Variants in TENM1 observed in about 807,000 individuals in gnomAD.
The protein encoded by TENM1 is teneurin-1.
TENM1 carries 35 observed loss-of-function variants against 174.8 expected under a neutral mutation model. The ratio of observed to expected loss-of-function variants is 0.20; its 90% CI spans 0.15 to 0.27. The LOEUF is 0.27. TENM1 is among the 10% of genes least tolerant of loss of function. TENM1 has a pLI of 1.00. For missense variants in TENM1, 1,633 were observed against 2,130.1 expected (o/e 0.77, Z 4.59); for synonymous variants, 781 against 798.7 (o/e 0.98, Z 0.37).
At chrX:124,900,394 G>A (rs1452899948) in intron 1 of TENM1, among the ~76,000 whole-genome samples, 1 of 111,884 alleles carries the variant, frequency 8.9e-6, no homozygotes. Context: ...AAAGGGTGGA[G>A]GGAGAGATGG....
At chrX:125,074,819 T>C in the TENM1 span, among the ~76,000 whole-genome samples, 1 of 111,245 alleles carries the variant, frequency 9.0e-6, no homozygotes, top group East Asian at 2.9e-4. Flanking sequence ...CTTCTTCACT[T>C]TCCCACTTCC....
At chrX:124,898,691 A>G (rs2057605065) in intron 1 of TENM1, among the ~76,000 whole-genome samples, 1 of 111,957 alleles carries the variant, frequency 8.9e-6, no homozygotes, top group Non-Finnish European at 1.9e-5. Context: ...AAAAGCACTG[A>G]CAGATGTAAG....
intron 3 of TENM1, among the ~76,000 whole-genome samples, chrX:124,883,948 A>C (rs375941723): frequency 1.8e-5 from 2 of 111,115 alleles, no homozygotes; most frequent in African/African-American, 6.6e-5. Context: ...TGGTGCATGC[A>C]GGTGCTGACT....
At chrX:124,895,954 AC>A in intron 2 of TENM1, 26 bp downstream of exon 5, 1 of 1,205,332 alleles carries the variant, frequency 8.3e-7, no homozygotes, top group Non-Finnish European at 1.1e-6. Context: ...TCTGTGTTTT[AC>A]TTAAACAATT....
intron 19 of TENM1, among the ~76,000 whole-genome samples, chrX:124,502,361 G>A (rs1322631304): frequency 8.9e-6 from 1 of 112,368 alleles, no homozygotes; most frequent in Non-Finnish European, 1.9e-5. Flanking sequence ...TGAAGCAAAT[G>A]GTAAGAGGAT....
intron 18 of TENM1, among the ~76,000 whole-genome samples, chrX:124,514,670 C>A (rs751500992): frequency 9.0e-6 from 1 of 110,641 alleles, no homozygotes; most frequent in African/African-American, 3.3e-5. Context: ...AGCTCTGAAA[C>A]GGAATCAGTA....
At chrX:125,187,089 G>T in the TENM1 span, among the ~76,000 whole-genome samples, 1 of 111,326 alleles carries the variant, frequency 9.0e-6, no homozygotes, top group African/African-American at 3.3e-5. Context: ...GGTGAAACCC[G>T]GTCTCTATTA....
At chrX:124,958,885 T>C (rs1315388145) in intron 1 of TENM1, among the ~76,000 whole-genome samples, 1 of 111,382 alleles carries the variant, frequency 9.0e-6, no homozygotes, top group Non-Finnish European at 1.9e-5. Flanking sequence ...GAAGTCAATT[T>C]TGCAGAAGAA....
chrX:124,442,334 C>T (rs1487816121), intron 23 of TENM1, among the ~76,000 whole-genome samples: 1 of 112,084 alleles, frequency 8.9e-6, no homozygotes, highest in African/African-American at 3.2e-5. Flanking sequence ...TTCAAGCAAA[C>T]TTATTATAAT....
intron 5 of TENM1, among the ~76,000 whole-genome samples, chrX:124,696,455 C>T (rs749505821): frequency 7.5e-4 from 83 of 111,333 alleles, no homozygotes; most frequent in African/African-American, 2.4e-3. Context: ...AACAAAACCA[C>T]TCCATTTCAA....
intron 3 of TENM1, among the ~76,000 whole-genome samples, chrX:124,818,121 T>A (rs919151404): frequency 2.7e-5 from 3 of 111,510 alleles, no homozygotes; most frequent in African/African-American, 9.8e-5. Flanking sequence ...GAAAATTCAA[T>A]TAATTAGTAT....
intron 23 of TENM1, among the ~76,000 whole-genome samples, chrX:124,446,755 C>G (rs192690865): frequency 8.9e-6 from 1 of 112,546 alleles, no homozygotes; most frequent in African/African-American, 3.2e-5. Flanking sequence ...TGGAAGGAAC[C>G]TTGAGAAAAC....
intron 3 of TENM1, among the ~76,000 whole-genome samples, chrX:124,797,811 A>G: frequency 9.1e-6 from 1 of 110,262 alleles, no homozygotes; most frequent in Non-Finnish European, 1.9e-5. Flanking sequence ...TAAGCCAAGC[A>G]TGCATTAGAT....
At chrX:124,386,122 A>C (rs1320688105) in intron 28 of TENM1, 58 bp from the exon 32 acceptor site, 20 of 1,029,177 alleles carry the variant, frequency 1.9e-5, no homozygotes, top group Non-Finnish European at 2.4e-5. Flanking sequence ...GAGGCGACTA[A>C]AGAAAATACA....
intron 3 of TENM1, among the ~76,000 whole-genome samples, chrX:124,797,681 T>A (rs1360166811): frequency 1.8e-5 from 2 of 110,565 alleles, no homozygotes; most frequent in South Asian, 7.8e-4. Context: ...CGTAAAGGTT[T>A]TTTTTTTTTT....
At chrX:124,613,263 C>T (rs2050319751) in intron 11 of TENM1, among the ~76,000 whole-genome samples, 1 of 111,245 alleles carries the variant, frequency 9.0e-6, no homozygotes, top group African/African-American at 3.3e-5. Context: ...CCCCTGTTTT[C>T]CAGGCCTGAG....
At chrX:125,029,311 C>T in the TENM1 span, among the ~76,000 whole-genome samples, 1 of 112,124 alleles carries the variant, frequency 8.9e-6, no homozygotes, top group African/African-American at 3.2e-5. Flanking sequence ...TACATCTCAA[C>T]AAGAGCTGCC....
chrX:124,779,537 T>A (rs933937341), intron 3 of TENM1, among the ~76,000 whole-genome samples: 2 of 111,935 alleles, frequency 1.8e-5, no homozygotes, highest in South Asian at 3.7e-4. Context: ...CATGAGCACG[T>A]CTTAGGGACT....
At chrX:124,779,332 G>A (rs1445376161) in intron 3 of TENM1, among the ~76,000 whole-genome samples, 1 of 111,650 alleles carries the variant, frequency 9.0e-6, no homozygotes, top group African/African-American at 3.3e-5. Context: ...CATAGTGCAC[G>A]ATTTTCTTAT....
Sources: gnomAD v4.1 joint callset for allele counts (sites outside exome capture counted in the v4.1 genomes callset) on GRCh38, gnomAD v4.1.1 for gene constraint, MANE v1.5 for transcripts, NCBI Gene and HGNC (gene_info 2026-07-23, HGNC 2026-07-21) for gene names.